Variants in CEP112 observed in about 807,000 individuals in gnomAD.
CEP112 encodes the protein centrosomal protein 112.
In CEP112, 127 loss-of-function variants were observed where a neutral mutation model predicts 153.0. The observed-to-expected ratio is 0.83, with a 90% CI of 0.72 to 0.96. CEP112 has a LOEUF of 0.96. Among genes scored for constraint, CEP112 ranks in the 40% least tolerant of loss-of-function variants. CEP112 has a pLI of 0.00. For missense variants in CEP112, 1,089 were observed against 1,101.2 expected (o/e 0.99, Z 0.16); for synonymous variants, 358 against 374.4 (o/e 0.96, Z 0.51).
chr17:65,942,080 T>G (rs1451127602), intron 18 of CEP112, among the ~76,000 whole-genome samples: 1 of 152,126 alleles, frequency 6.6e-6, no homozygotes, highest in Non-Finnish European at 1.5e-5. Context: ...CTGGTACTGG[T>G]CCTTGGCCTG....
At chr17:66,066,755 T>C (rs531999115) in intron 10 of CEP112, 23 bp downstream of exon 10, 4 of 1,376,400 alleles carry the variant, frequency 2.9e-6, no homozygotes, top group East Asian at 5.2e-5. Flanking sequence ...TATTAAAAGA[T>C]GTATGTAACA....
At chr17:65,721,010 T>TCTCTC (rs543044308) in intron 23 of CEP112, among the ~76,000 whole-genome samples, 226 of 83,630 alleles carry the variant, frequency 2.7e-3, no homozygotes, top group African/African-American at 9.2e-3. Context: ...TCTCTCTCTC[T>TCTCTC]TTTTTTTTTT....
Position 66,132,672 on chromosome 17 carries a change from A to C in CEP112, c.562T>G (p.Cys188Gly). ...ACAAAAGTAAAATCTAATCTTACAC[A>C]AATCTTTGGGGTAATATTTTGTCCA... Reference protein sequence around the residue: ...EDGQNITPKICEVYSKKSPVS... With the variant: ...EDGQNITPKIGEVYSKKSPVS... Residue 188 changes from cysteine to glycine, a missense_variant and splice_region_variant, in exon 5 of 27, where the codon TGT becomes GGT. Physicochemically the swap from Cys to Gly is radical, Grantham distance 159 (BLOSUM62 -3). Coordinates refer to ENST00000535342, the MANE Select transcript of CEP112 (RefSeq NM_001199165.4). 6.2e-7 allele frequency: 1 copy of C among 1,607,484 alleles called. No individual in the cohort carries two copies. The highest frequency in any genetic ancestry group is 8.5e-7 in the Non-Finnish European group (1 of 1,173,978).
intron 4 of CEP112, among the ~76,000 whole-genome samples, chr17:66,172,050 A>T (rs2072264283): frequency 1.3e-5 from 2 of 152,214 alleles, no homozygotes; most frequent in Non-Finnish European, 2.9e-5. Context: ...TTCCTCTGTC[A>T]CAATATACCC....
At chr17:66,168,995 G>A (rs1365979395) in intron 4 of CEP112, among the ~76,000 whole-genome samples, 2 of 152,034 alleles carry the variant, frequency 1.3e-5, no homozygotes, top group Admixed American at 1.3e-4. Context: ...TTCTTTCAAA[G>A]GCAACTTGTC....
chr17:65,757,787 A>T (rs535730245), intron 21 of CEP112, among the ~76,000 whole-genome samples: 1 of 152,220 alleles, frequency 6.6e-6, no homozygotes, highest in Admixed American at 6.5e-5. Flanking sequence ...TGGCTAACTT[A>T]TCAGGCAAAC....
intron 10 of CEP112, among the ~76,000 whole-genome samples, chr17:66,064,560 T>C (rs1281706874): frequency 6.6e-6 from 1 of 152,186 alleles, no homozygotes; most frequent in African/African-American, 2.4e-5. Flanking sequence ...AGCAAAATTT[T>C]TGTAAACATT....
At chr17:66,080,816 G>A (rs1182657131) in intron 8 of CEP112, among the ~76,000 whole-genome samples, 1 of 152,218 alleles carries the variant, frequency 6.6e-6, no homozygotes, top group African/African-American at 2.4e-5. Context: ...TATACACCAT[G>A]GAATACTATG....
intron 21 of CEP112, among the ~76,000 whole-genome samples, chr17:65,776,785 A>G (rs568779140): frequency 2.1e-4 from 8 of 37,522 alleles, no homozygotes; most frequent in African/African-American, 3.7e-4. Context: ...ATTTTTATAA[A>G]TATTGTCACA....
chr17:65,702,284 A>C (rs1338373524), intron 23 of CEP112, among the ~76,000 whole-genome samples: 2 of 152,170 alleles, frequency 1.3e-5, no homozygotes, highest in Admixed American at 1.3e-4. Flanking sequence ...GGATGTGTTA[A>C]GATTAGCATC....
intron 23 of CEP112, among the ~76,000 whole-genome samples, chr17:65,730,766 A>T (rs576429428): frequency 1.3e-3 from 105 of 79,266 alleles, no homozygotes; most frequent in Admixed American, 4.5e-3. Flanking sequence ...TACAACCCCC[A>T]CCCCCCGCCC....
At chr17:65,860,602 C>G (rs895759526) in intron 20 of CEP112, among the ~76,000 whole-genome samples, 1 of 152,188 alleles carries the variant, frequency 6.6e-6, no homozygotes, top group Non-Finnish European at 1.5e-5. Context: ...CAGGCTCACA[C>G]TGGACAGAGC....
intron 17 of CEP112, among the ~76,000 whole-genome samples, chr17:65,995,017 CA>C (rs1317851538): frequency 1.3e-5 from 2 of 152,128 alleles, no homozygotes; most frequent in African/African-American, 4.8e-5. Flanking sequence ...TTCTGTGCCC[CA>C]GGGGTGAGTC....
chr17:65,915,484 T>C (rs1433766522), intron 19 of CEP112, among the ~76,000 whole-genome samples: 2 of 151,944 alleles, frequency 1.3e-5, no homozygotes, highest in Admixed American at 1.3e-4. Flanking sequence ...ACTGGAGAGA[T>C]CTTTCAAAAA....
rs1303784656 is a variant in CEP112, at chr17:65,714,373, C to G, written c.2608-25155G>C. 3.3e-5 allele frequency among the ~76,000 whole-genome samples: 5 copies of G among 152,200 alleles called. No individual in the cohort carries two copies. The East Asian group carries it at 9.7e-4, about 29-fold the overall frequency. ...TGATCAAAATGTGAAAAAGTCAACA[C>G]TACATATTTTATGGATCTTATTAGT... On this transcript the variant is annotated intron_variant, in intron 23 of 26. Coordinates refer to ENST00000535342, the MANE Select transcript of CEP112 (RefSeq NM_001199165.4).
chr17:65,851,923 T>C lies in CEP112; in HGVS notation c.2275A>G (p.Lys759Glu), dbSNP rs752726681. The C allele has an allele frequency of 2.5e-6, 4 of 1,614,174 alleles. No homozygotes were observed. Among genetic ancestry groups the C allele is most frequent in the South Asian group, 2.2e-5 (2 of 91,084 alleles). ...VELGLLREEE[K>E]QRATREHEIV... ...TCATGTTCCCTTGTAGCCCTTTGCTTTTCCTCTTCACGAAGAAGACCAAGC... is the reference window on the plus strand; with the variant it reads ...TCATGTTCCCTTGTAGCCCTTTGCTCTTCCTCTTCACGAAGAAGACCAAGC... The change falls in exon 21 of 27, where the codon AAG becomes GAG. Residue 759 changes from lysine to glutamate, a missense_variant. Coordinates refer to ENST00000535342, the MANE Select transcript of CEP112 (RefSeq NM_001199165.4).
chr17:66,009,925 G>C (rs903571817), intron 16 of CEP112, among the ~76,000 whole-genome samples: 1 of 152,138 alleles, frequency 6.6e-6, no homozygotes. Context: ...TTTTGCTTAC[G>C]ATTGTCTTGG....
At chr17:65,936,096 A>T (rs1048893046) in intron 18 of CEP112, among the ~76,000 whole-genome samples, 1 of 152,220 alleles carries the variant, frequency 6.6e-6, no homozygotes, top group African/African-American at 2.4e-5. Context: ...CACAAAAACA[A>T]GGGAGAATTA....
At chr17:66,070,620 C>T (rs2067277303) in intron 8 of CEP112, among the ~76,000 whole-genome samples, 1 of 152,180 alleles carries the variant, frequency 6.6e-6, no homozygotes, top group Non-Finnish European at 1.5e-5. Context: ...ACCAACACCA[C>T]ATGCAACGGT....
Sources: allele counts gnomAD v4.1 joint callset (sites outside exome capture counted in the v4.1 genomes callset), GRCh38; gene constraint gnomAD v4.1.1; transcripts MANE v1.5; gene names NCBI Gene and HGNC (gene_info 2026-07-23, HGNC 2026-07-21).